LRP1B: variants seen among roughly 807,000 people sequenced by gnomAD.
LRP1B encodes the protein LDL receptor related protein 1B.
A neutral mutation model predicts 556.6 loss-of-function variants in LRP1B; 217 were observed. The ratio of observed to expected loss-of-function variants is 0.39; its 90% CI spans 0.35 to 0.44. The LOEUF (loss-of-function observed/expected upper bound fraction) is 0.44, where lower values mean the gene tolerates loss of function less well. Among genes scored for constraint, LRP1B ranks in the 20% least tolerant of loss-of-function variants. The pLI, the probability that LRP1B is intolerant of heterozygous loss-of-function variation, is 1.00. For missense variants in LRP1B, 5,053 were observed against 5,620.8 expected (o/e 0.90, Z 3.23); for synonymous variants, 2,047 against 1,865.8 (o/e 1.10, Z -2.50).
intron 1 of LRP1B, among the ~76,000 whole-genome samples, chr2:141,898,001 C>T (rs1484599984): frequency 6.6e-6 from 1 of 152,040 alleles, no homozygotes; most frequent in African/African-American, 2.4e-5. Flanking sequence ...TTATTGGGCC[C>T]AAATATCTCA....
At chr2:142,018,932 G>T (rs140032774) in intron 1 of LRP1B, among the ~76,000 whole-genome samples, 1 of 151,864 alleles carries the variant, frequency 6.6e-6, no homozygotes, top group African/African-American at 2.4e-5. Flanking sequence ...TAATTAAAAC[G>T]CACAGTAAAA....
At chr2:140,655,564 T>C (rs576487487) in intron 41 of LRP1B, among the ~76,000 whole-genome samples, 2 of 152,326 alleles carry the variant, frequency 1.3e-5, no homozygotes, top group Non-Finnish European at 2.9e-5. Context: ...ACTCAAAGAA[T>C]GTAGAGACTG....
intron 7 of LRP1B, among the ~76,000 whole-genome samples, chr2:141,126,302 G>A (rs1229507109): frequency 6.6e-6 from 1 of 152,112 alleles, no homozygotes; most frequent in African/African-American, 2.4e-5. Flanking sequence ...CCAAAGTGCT[G>A]GTATTACAGG....
intron 32 of LRP1B, among the ~76,000 whole-genome samples, chr2:140,804,133 G>A (rs1232894131): frequency 6.6e-6 from 1 of 151,854 alleles, no homozygotes; most frequent in Non-Finnish European, 1.5e-5. Flanking sequence ...AAACAGAAGA[G>A]ACTCCTTAAG....
chr2:141,528,139 C>CT (rs1309814110), intron 2 of LRP1B, among the ~76,000 whole-genome samples: 2 of 151,680 alleles, frequency 1.3e-5, no homozygotes, highest in Non-Finnish European at 2.9e-5. Flanking sequence ...GTGGCTTCTG[C>CT]TTGGCCTGCT....
At chr2:140,255,668 T>A (rs1681641838) in intron 86 of LRP1B, among the ~76,000 whole-genome samples, 1 of 152,266 alleles carries the variant, frequency 6.6e-6, no homozygotes, top group Non-Finnish European at 1.5e-5. Flanking sequence ...AATAGATGAA[T>A]GCATGAAAAC....
At chr2:141,602,246 T>C (rs1687773177) in intron 2 of LRP1B, among the ~76,000 whole-genome samples, 1 of 152,186 alleles carries the variant, frequency 6.6e-6, no homozygotes, top group South Asian at 2.1e-4. Context: ...TTTTGTAGGG[T>C]AAATCTTTAC....
At chr2:141,582,603 G>A (rs1686987078) in intron 2 of LRP1B, among the ~76,000 whole-genome samples, 1 of 122,496 alleles carries the variant, frequency 8.2e-6, no homozygotes, top group Non-Finnish European at 1.8e-5. Flanking sequence ...CCTGAACACA[G>A]TATTTGAAGA....
At position 140,339,936 on chromosome 2, in the gene LRP1B, A is replaced by C. The variant is rs1297042653; in HGVS notation, c.11893-4098T>G. Among the ~76,000 whole-genome samples the C allele has an allele frequency of 7.9e-5, 12 of 151,736 alleles. No homozygotes were observed. The East Asian group carries it at 1.9e-3, about 25-fold the overall frequency. On this transcript the variant is annotated intron_variant, in intron 77 of 90. Transcript: ENST00000389484. ...TCAATCTGAGTAATTTTAAGGCTGC[A>C]ATGATCTACATTAGGACCATGTCAA...
intron 1 of LRP1B, among the ~76,000 whole-genome samples, chr2:141,883,433 A>T (rs1699018278): frequency 6.6e-6 from 1 of 152,200 alleles, no homozygotes; most frequent in Non-Finnish European, 1.5e-5. Context: ...TTAGGCAATG[A>T]TTCAAAATTA....
chr2:142,032,055 T>A (rs367891785), intron 1 of LRP1B, among the ~76,000 whole-genome samples: 75 of 151,970 alleles, frequency 4.9e-4, no homozygotes, highest in African/African-American at 1.8e-3. Flanking sequence ...CGCCTTGATC[T>A]CAACTTCTAG....
At chr2:141,182,823 G>T (rs552457842) in intron 7 of LRP1B, among the ~76,000 whole-genome samples, 2 of 151,698 alleles carry the variant, frequency 1.3e-5, no homozygotes, top group African/African-American at 4.8e-5. Context: ...TGTTACGGGG[G>T]GGAGTTGGTT....
chr2:141,496,867 A>T (rs1296011660), intron 2 of LRP1B, among the ~76,000 whole-genome samples: 1 of 152,034 alleles, frequency 6.6e-6, no homozygotes, highest in African/African-American at 2.4e-5. Context: ...AAATGCGAGA[A>T]ATTATGAAAA....
chr2:141,318,775 G>A lies in LRP1B; in HGVS notation c.344-64134C>T, dbSNP rs557243943. On this transcript the variant is annotated intron_variant, in intron 3 of 90. Coordinates refer to ENST00000389484, the MANE Select transcript of LRP1B (RefSeq NM_018557.3). ...TGAAGTCTCACCATCTTTATCTGCT[G>A]AGATTAGGTAACTTATTTTGCAAAT... Among the ~76,000 whole-genome samples, 17 of 152,196 alleles carry A rather than the reference G, an allele frequency of 1.1e-4. 1 individual carries two copies. The East Asian group carries it at 2.1e-3, about 19-fold the overall frequency.
At chr2:141,583,105 G>A (rs781304818) in intron 2 of LRP1B, among the ~76,000 whole-genome samples, 2 of 151,926 alleles carry the variant, frequency 1.3e-5, no homozygotes, top group African/African-American at 2.4e-5. Flanking sequence ...CAAAGTGCTG[G>A]GATTACAGGC....
intron 2 of LRP1B, among the ~76,000 whole-genome samples, chr2:141,586,117 C>A (rs1687128699): frequency 6.6e-6 from 1 of 152,200 alleles, no homozygotes; most frequent in African/African-American, 2.4e-5. Flanking sequence ...ATCATTAAAC[C>A]TTTTCAATTC....
At chr2:141,675,679 G>GTGTATA (rs1553446605) in intron 2 of LRP1B, among the ~76,000 whole-genome samples, 1 of 12,530 alleles carries the variant, frequency 8.0e-5, no homozygotes, top group African/African-American at 1.7e-4. Context: ...AATTTATTTG[G>GTGTATA]TATATATATA....
intron 31 of LRP1B, among the ~76,000 whole-genome samples, chr2:140,823,784 GA>G (rs1691408128): frequency 6.6e-6 from 1 of 151,522 alleles, no homozygotes; most frequent in Non-Finnish European, 1.5e-5. Flanking sequence ...AAATTATTCA[GA>G]AAGACAGAAA....
chr2:141,800,874 T>A (rs1695984895), intron 2 of LRP1B, among the ~76,000 whole-genome samples: 1 of 152,214 alleles, frequency 6.6e-6, no homozygotes, highest in Admixed American at 6.5e-5. Context: ...GCTGATTGAT[T>A]GAATGGTTTC....
Sources: allele counts gnomAD v4.1 joint callset (sites outside exome capture counted in the v4.1 genomes callset), GRCh38; gene constraint gnomAD v4.1.1; transcripts MANE v1.5; gene names NCBI Gene and HGNC (gene_info 2026-07-23, HGNC 2026-07-21).